NDEL1: variants seen among roughly 807,000 people sequenced by gnomAD.
The protein encoded by NDEL1 is nudE neurodevelopment protein 1 like 1.
Under a neutral mutation model 45.7 loss-of-function variants are expected in NDEL1, and 9 were observed. That is an observed-to-expected ratio of 0.20 (90% CI 0.12 to 0.34). The LOEUF is 0.34. Among genes scored for constraint, NDEL1 ranks in the 10% least tolerant of loss-of-function variants. The probability of loss-of-function intolerance (pLI) is 1.00; values close to 1 mark genes in which losing one functional copy is unlikely to be tolerated. For synonymous variants in NDEL1, 133 were observed against 158.6 expected, an observed-to-expected ratio of 0.84 and a Z score of 1.21; for missense variants, 306 against 406.2, an observed-to-expected ratio of 0.75 and a Z score of 2.12.
At chr17:8,466,795 C>G in intron 8 of NDEL1, 135 bp from the exon 9 acceptor site, 1 of 827,064 alleles carries the variant, frequency 1.2e-6, no homozygotes, top group Non-Finnish European at 1.9e-6. Flanking sequence ...GCCAGTGCCC[C>G]TTGGGCCATC....
chr17:8,438,958 A>G (rs1367975575), intron 1 of NDEL1, among the ~76,000 whole-genome samples: 1 of 18,976 alleles, frequency 5.3e-5, no homozygotes, highest in East Asian at 0.024. Context: ...TTTTTTTGAA[A>G]CGGAGTCTCT....
chr17:8,433,131 C>T (rs1029132581), upstream of NDEL1, among the ~76,000 whole-genome samples: 4 of 151,874 alleles, frequency 2.6e-5, no homozygotes, highest in African/African-American at 9.7e-5. Flanking sequence ...ATCTTGATCC[C>T]ACTTGTTTAA....
At chr17:8,425,596 AATC>A (rs1449725195) in intron 1 of NDEL1, among the ~76,000 whole-genome samples, 1 of 151,660 alleles carries the variant, frequency 6.6e-6, no homozygotes, top group African/African-American at 2.4e-5. Context: ...AAAAAAAAAA[AATC>A]ATTGAAAGCT....
At chr17:8,453,587 TACTG>T (rs904340768) in intron 6 of NDEL1, among the ~76,000 whole-genome samples, 4 of 152,178 alleles carry the variant, frequency 2.6e-5, no homozygotes, top group African/African-American at 9.7e-5. Flanking sequence ...CTGAAAACCT[TACTG>T]AGTGTGGAAG....
chr17:8,457,643 T>A lies in NDEL1; in HGVS notation c.793-2366T>A, dbSNP rs574107189. Among the ~76,000 whole-genome samples, 21 of 152,348 alleles carry A rather than the reference T, an allele frequency of 1.4e-4. No homozygotes were observed. In the South Asian group the frequency reaches 4.3e-3, roughly 32 times the overall value. ...ACAGAGAAAATCAAGGCCATTTGTT[T>A]TAAGCTTCTTTGATTTCTTTTCTCA... On this transcript the variant is annotated intron_variant, in intron 7 of 8. Transcript: ENST00000334527.
chr17:8,440,766 AG>A (rs1214067028), intron 1 of NDEL1, among the ~76,000 whole-genome samples: 1 of 152,214 alleles, frequency 6.6e-6, no homozygotes, highest in Non-Finnish European at 1.5e-5. Context: ...ATACATCCAG[AG>A]GGGTAAACAA....
downstream of NDEL1, among the ~76,000 whole-genome samples, chr17:8,469,879 T>TG (rs59489584): frequency 2.0e-5 from 3 of 149,214 alleles, no homozygotes; most frequent in African/African-American, 7.4e-5. Flanking sequence ...TTTTTTTTTT[T>TG]GTATTTTTAG....
At chr17:8,435,818 G>T (rs1213642816), upstream of NDEL1, 1 of 428,730 alleles carries the variant, frequency 2.3e-6, no homozygotes, top group South Asian at 1.6e-5. Context: ...CCGCATACCC[G>T]TGCGCTGCCG....
intron 1 of NDEL1, among the ~76,000 whole-genome samples, chr17:8,430,392 C>A (rs184878917): frequency 6.6e-6 from 1 of 152,176 alleles, no homozygotes; most frequent in Non-Finnish European, 1.5e-5. Flanking sequence ...TGCCCCATCT[C>A]GTCAGAATTT....
chr17:8,450,855 T>C lies in NDEL1; in HGVS notation c.602T>C (p.Leu201Pro). The C allele has an allele frequency of 6.2e-7, 1 of 1,613,366 alleles. No individual in the cohort carries two copies. The stretch of plus-strand genomic sequence containing the variant: ...AAGTCGGCTCCTAGCTCTCCAACTC[T>C]AGACTGTGAAAAGATGGACTCCGCC... ...TRKSAPSSPT[L>P]DCEKMDSAVQ... The change falls in exon 6 of 9, where the codon CTA (leucine) becomes CCA (proline). Residue 201 changes from leucine (L) to proline (P), a missense_variant. Physicochemically the swap from Leu to Pro is moderately conservative, Grantham distance 98 (BLOSUM62 -3). Transcript: ENST00000334527.
At chr17:8,423,177 TC>T (rs1177526582) in intron 1 of NDEL1, among the ~76,000 whole-genome samples, 14 of 152,362 alleles carry the variant, frequency 9.2e-5, no homozygotes, top group African/African-American at 3.1e-4. Flanking sequence ...ATTATTTTGT[TC>T]TTATTTCGAA....
intron 1 of NDEL1, among the ~76,000 whole-genome samples, chr17:8,417,753 C>T (rs1393697429): frequency 6.6e-6 from 1 of 152,218 alleles, no homozygotes; most frequent in East Asian, 1.9e-4. Context: ...TCAAAGACTT[C>T]CCCTCTCCCA....
At chr17:8,443,525 A>G (rs1909893467) in intron 1 of NDEL1, among the ~76,000 whole-genome samples, 1 of 151,964 alleles carries the variant, frequency 6.6e-6, no homozygotes, top group African/African-American at 2.4e-5. Flanking sequence ...ATGCCTGGGG[A>G]GGGGGTGCTA....
intron 7 of NDEL1, among the ~76,000 whole-genome samples, chr17:8,457,562 C>T (rs1302093707): frequency 6.6e-6 from 1 of 152,242 alleles, no homozygotes; most frequent in African/African-American, 2.4e-5. Flanking sequence ...TGCCTCTTTA[C>T]ACGACTTTGT....
chr17:8,460,061 C>T lies in NDEL1; in HGVS notation c.845C>T (p.Ser282Leu). 3 of 1,614,130 alleles carry T rather than the reference C, an allele frequency of 1.9e-6. No homozygotes were observed. Among genetic ancestry groups the T allele is most frequent in the Non-Finnish European group, 2.5e-6 (3 of 1,180,004 alleles). Residue 282 changes from serine to leucine, a missense_variant, in exon 8 of 9, where the codon TCA (serine) becomes TTA (leucine). Around this residue, in one of 3 missense-constraint regions of NDEL1, gnomAD observed 175 missense variants for 205.2 expected, o/e 0.85. Transcript: ENST00000334527. ...ACRNFAKDQASRKSYISGNVN... is the reference protein window; with the variant it reads ...ACRNFAKDQALRKSYISGNVN... ...AGGAATTTTGCAAAGGACCAAGCAT[C>T]ACGAAAATCCTATATTTCAGGGAAT...
At chr17:8,466,516 T>C (rs1911602754) in intron 8 of NDEL1, 1 of 162,086 alleles carries the variant, frequency 6.2e-6, no homozygotes, top group African/African-American at 2.4e-5. Flanking sequence ...TTCCACTTAG[T>C]GTTAGTTACA....
intron 1 of NDEL1, among the ~76,000 whole-genome samples, chr17:8,421,093 T>C (rs1299281348): frequency 6.6e-6 from 1 of 152,238 alleles, no homozygotes; most frequent in Non-Finnish European, 1.5e-5. Context: ...TAACATCAAT[T>C]CTATAGTTTC....
intron 3 of NDEL1, chr17:8,446,168 C>T (rs1474833808): frequency 5.0e-6 from 1 of 200,794 alleles, no homozygotes; most frequent in African/African-American, 2.3e-5. Context: ...GATAGGTTGC[C>T]TCATTCTGCA....
At chr17:8,441,180 G>GC (rs1909709185) in intron 1 of NDEL1, among the ~76,000 whole-genome samples, 2 of 152,166 alleles carry the variant, frequency 1.3e-5, no homozygotes, top group African/African-American at 4.8e-5. Flanking sequence ...TAGGCACTCA[G>GC]CCCCAGAAAG....
Sources: allele counts gnomAD v4.1 joint callset (sites outside exome capture counted in the v4.1 genomes callset), GRCh38; gene constraint gnomAD v4.1.1; regional missense constraint gnomAD v4.1.1; transcripts MANE v1.5; gene names NCBI Gene and HGNC (gene_info 2026-07-23, HGNC 2026-07-21).